Variants in CD2 observed in about 807,000 individuals in gnomAD.
CD2 encodes CD2 molecule.
Under a neutral mutation model 23.2 loss-of-function variants are expected in CD2, and 18 were observed. The observed-to-expected ratio is 0.77, with a 90% CI of 0.54 to 1.15. The LOEUF (loss-of-function observed/expected upper bound fraction) is 1.15. Among genes scored for constraint, CD2 ranks in the 50% most tolerant of loss-of-function variants. The pLI is 0.00. For synonymous variants in CD2, 162 were observed against 151.9 expected, an observed-to-expected ratio of 1.07 and a Z score of -0.49; for missense variants, 424 against 423.1, an observed-to-expected ratio of 1.00 and a Z score of -0.02.
chr1:116,764,725 C>T, intron 4 of CD2, 119 bp downstream of exon 4: 1 of 794,800 alleles, frequency 1.3e-6, no homozygotes, highest in South Asian at 1.6e-5. Context: ...TTCGGAATGT[C>T]AGGGTTGTAG....
rs777300638 is a variant in CD2 at position 116,754,967 on chromosome 1, C to T, written c.382+16C>T. The T allele has an allele frequency of 6.5e-7, 1 of 1,531,858 alleles. No homozygotes were observed. 94.9% of individuals were successfully genotyped at this position (1,531,858 alleles called of 1,614,324 possible). ...AAGATTCAAGGTAAGTGTTCATTCC[C>T]TTAATTGCTTTATTTCAGTGTGGGT... On this transcript the variant is annotated intron_variant, in intron 2 of 4. Coordinates refer to ENST00000369478, the MANE Select transcript of CD2 (RefSeq NM_001767.5).
chr1:116,761,926 G>C (rs543937972), intron 3 of CD2, among the ~76,000 whole-genome samples: 1 of 152,216 alleles, frequency 6.6e-6, no homozygotes, highest in African/African-American at 2.4e-5. Flanking sequence ...CACCTCCCAG[G>C]CTCAAGCAAT....
Position 116,754,898 on chromosome 1 carries a change from A to G in CD2, c.329A>G (p.Tyr110Cys). 1 of 1,603,638 alleles carries G rather than the reference A, an allele frequency of 6.2e-7. No homozygotes were observed. The highest frequency in any genetic ancestry group is 8.5e-7 in the Non-Finnish European group (1 of 1,176,132). Residue 110 changes from tyrosine (Y) to cysteine (C), a missense_variant, in exon 2 of 5, where the codon TAT (tyrosine) becomes TGT (cysteine). Transcript: ENST00000369478. ...CAGGATATCTACAAGGTATCAATAT[A>G]TGATACAAAAGGAAAAAATGTGTTG... ...DDQDIYKVSIYDTKGKNVLEK... is the reference protein window; with the variant it reads ...DDQDIYKVSICDTKGKNVLEK...
chr1:116,766,717 G>T (rs566780075), intron 4 of CD2, among the ~76,000 whole-genome samples: 14 of 152,048 alleles, frequency 9.2e-5, no homozygotes, highest in African/African-American at 3.4e-4. Flanking sequence ...TTAAAAATTA[G>T]GTGGGTGCAT....
chr1:116,767,992 G>A (rs1034082054), intron 4 of CD2, among the ~76,000 whole-genome samples: 15 of 152,160 alleles, frequency 9.9e-5, no homozygotes, highest in Non-Finnish European at 4.4e-5. Flanking sequence ...ACCTCTTGCC[G>A]GAAGGTGGAT....
In CD2 at chr1:116,763,001, G is replaced by C. The variant is rs577682321; in HGVS notation, c.614-1483G>C. Among the ~76,000 whole-genome samples, 9 of 152,336 alleles carry C rather than the reference G, an allele frequency of 5.9e-5. No individual in the cohort carries two copies. The South Asian group carries it at 1.9e-3, about 32-fold the overall frequency. On this transcript the variant is annotated intron_variant, in intron 3 of 4. Coordinates refer to ENST00000369478, the MANE Select transcript of CD2 (RefSeq NM_001767.5). Reference sequence around the variant, plus strand: ...CCCCAAAGCATTTCAGGCCTGCCCTGCCCCACCCCGGGTCAAATCTGAAAA... The same window carrying C: ...CCCCAAAGCATTTCAGGCCTGCCCTCCCCCACCCCGGGTCAAATCTGAAAA...
chr1:116,765,591 T>C (rs1052098016), intron 4 of CD2, among the ~76,000 whole-genome samples: 2 of 152,134 alleles, frequency 1.3e-5, no homozygotes, highest in African/African-American at 4.8e-5. Context: ...CGAAACATCA[T>C]CCTGAACTTA....
intron 2 of CD2, among the ~76,000 whole-genome samples, chr1:116,755,800 C>A (rs1182849773): frequency 6.6e-6 from 1 of 151,918 alleles, no homozygotes; most frequent in Non-Finnish European, 1.5e-5. Flanking sequence ...GTGGCTTAGG[C>A]AAGGGAGAGA....
At chr1:116,768,085 C>A (rs1229523430) in intron 4 of CD2, among the ~76,000 whole-genome samples, 2 of 152,198 alleles carry the variant, frequency 1.3e-5, no homozygotes, top group Non-Finnish European at 2.9e-5. Flanking sequence ...TCCTCCATGA[C>A]TGCTCATAAC....
Position 116,768,922 on chromosome 1 carries a change from G to A in CD2, c.*139G>A, listed in dbSNP as rs1277384017. 31 of 820,184 alleles carry A rather than the reference G, an allele frequency of 3.8e-5. No homozygotes were observed. Among genetic ancestry groups the A allele is most frequent in the Non-Finnish European group, 5.3e-5 (28 of 527,634 alleles). 50.8% of individuals were successfully genotyped at this position (820,184 alleles called of 1,614,324 possible). ...GAGGCTGTGGGCCACAGCCACCTCT[G>A]CATCTTCGAACTCAGCCATGTGGTC... is the stretch of plus-strand genomic sequence containing the variant. On this transcript the variant is annotated 3_prime_UTR_variant, in exon 5 of 5. Coordinates refer to ENST00000369478, the MANE Select transcript of CD2 (RefSeq NM_001767.5).
At chr1:116,765,376 G>A (rs1652183946) in intron 4 of CD2, among the ~76,000 whole-genome samples, 1 of 152,156 alleles carries the variant, frequency 6.6e-6, no homozygotes, top group African/African-American at 2.4e-5. Context: ...CCCTAGAACC[G>A]GCAGGCACAG....
intron 2 of CD2, among the ~76,000 whole-genome samples, chr1:116,760,121 G>A (rs3136704): frequency 0.15 from 22,568 of 152,144 alleles, 1,841 homozygotes; most frequent in Middle Eastern, 0.2. Flanking sequence ...GTTAAGTGAT[G>A]TCATATATGT....
At chr1:116,758,063 C>T (rs1651917047) in intron 2 of CD2, among the ~76,000 whole-genome samples, 1 of 151,464 alleles carries the variant, frequency 6.6e-6, no homozygotes, top group African/African-American at 2.4e-5. Flanking sequence ...CCACCTCTCC[C>T]AGCTGAAATA....
intron 2 of CD2, among the ~76,000 whole-genome samples, chr1:116,759,405 G>T (rs1651962679): frequency 6.6e-6 from 1 of 150,696 alleles, no homozygotes; most frequent in Non-Finnish European, 1.5e-5. Flanking sequence ...TGGCAAGTCT[G>T]GGGGGAACAA....
At chr1:116,765,464 C>T (rs528693159) in intron 4 of CD2, among the ~76,000 whole-genome samples, 2 of 152,294 alleles carry the variant, frequency 1.3e-5, no homozygotes, top group South Asian at 4.1e-4. Context: ...GGCCCCGTGC[C>T]CTCTGGATTT....
chr1:116,763,424 T>C (rs1652117187), intron 3 of CD2, among the ~76,000 whole-genome samples: 1 of 152,078 alleles, frequency 6.6e-6, no homozygotes, highest in Non-Finnish European at 1.5e-5. Context: ...GATGACCCCG[T>C]CCCCTGACCC....
rs527463622 is a variant in CD2, at chr1:116,768,583, C to G, written c.856C>G (p.Pro286Ala). ...PATSQHPPPP[P>A]GHRSQAPSHR... Reference sequence around the variant, plus strand: ...AACTTCCCAACATCCTCCTCCACCACCTGGTCATCGTTCCCAGGCACCTAG... The same window carrying G: ...AACTTCCCAACATCCTCCTCCACCAGCTGGTCATCGTTCCCAGGCACCTAG... The change falls in exon 5 of 5, where the codon CCT (proline) becomes GCT (alanine). Residue 286 changes from proline (P) to alanine (A), a missense_variant. Physicochemically the swap from Pro to Ala is conservative, Grantham distance 27 (BLOSUM62 -1). Coordinates refer to ENST00000369478, the MANE Select transcript of CD2 (RefSeq NM_001767.5). 338 of 1,614,152 alleles carry G rather than the reference C, an allele frequency of 2.1e-4. 4 individuals are homozygous for G. In the South Asian group the frequency reaches 3.5e-3, roughly 17 times the overall value.
intron 2 of CD2, among the ~76,000 whole-genome samples, chr1:116,755,701 G>A (rs1009634586): frequency 3.3e-5 from 5 of 152,096 alleles, no homozygotes; most frequent in Non-Finnish European, 4.4e-5. Context: ...ATTCTAATGA[G>A]CTGCCAAAGT....
chr1:116,765,340 C>G (rs540860315), intron 4 of CD2, among the ~76,000 whole-genome samples: 2 of 152,276 alleles, frequency 1.3e-5, no homozygotes, highest in East Asian at 3.9e-4. Context: ...CTCTGCAATT[C>G]ACGTTCACAG....
Sources: gnomAD v4.1 joint callset for allele counts (sites outside exome capture counted in the v4.1 genomes callset) on GRCh38, gnomAD v4.1.1 for gene constraint, MANE v1.5 for transcripts, NCBI Gene and HGNC (gene_info 2026-07-23, HGNC 2026-07-21) for gene names.